The following PRH1 variants were observed in gnomAD, a reference collection of about 807,000 sequenced individuals.
PRH1 encodes the protein salivary acidic proline-rich phosphoprotein 1/2.
Under a neutral mutation model 7.9 loss-of-function variants are expected in PRH1, and 7 were observed. The observed-to-expected ratio is 0.89, with a 90% CI of 0.50 to 1.67. The LOEUF (loss-of-function observed/expected upper bound fraction) is 1.67, where lower values mean the gene tolerates loss of function less well. Ranked by LOEUF, PRH1 falls within the 40% of genes most tolerant of loss-of-function variation. The pLI, the probability that PRH1 is intolerant of heterozygous loss-of-function variation, is 0.00. For missense variants in PRH1, 109 were observed against 223.6 expected (o/e 0.49, Z 3.27); for synonymous variants, 45 against 80.8 (o/e 0.56, Z 2.38).
At chr12:11,056,083 A>AAT (rs1234517022) in intron 1 of PRH1, among the ~76,000 whole-genome samples, 3,122 of 73,712 alleles carry the variant, frequency 0.042, no homozygotes, top group East Asian at 0.069. Flanking sequence ...AAATGAAAAA[A>AAT]TAATTTTCTT....
intron 1 of PRH1, chr12:11,091,808 G>C (rs756327766): frequency 6.6e-7 from 1 of 1,506,328 alleles, no homozygotes. Flanking sequence ...AAGATGACAA[G>C]CCAAAAATAG....
chr12:11,092,035 G>A (rs200893955), intron 1 of PRH1: 434,028 of 924,050 alleles, frequency 0.47, 127,324 homozygotes, highest in Non-Finnish European at 0.5. Flanking sequence ...TTGAATACCA[G>A]TTTAATAATA....
intron 1 of PRH1, among the ~76,000 whole-genome samples, chr12:11,107,895 T>C (rs1945472043): frequency 6.6e-6 from 1 of 152,176 alleles, no homozygotes; most frequent in Non-Finnish European, 1.5e-5. Flanking sequence ...AAGAAAGGAT[T>C]CTGAAAGCAG....
chr12:11,163,808 T>C (rs1947487680), intron 1 of PRH1, among the ~76,000 whole-genome samples: 1 of 152,160 alleles, frequency 6.6e-6, no homozygotes, highest in Non-Finnish European at 1.5e-5. Flanking sequence ...TACTCTACCA[T>C]ATACCATCCC....
In PRH1 at chr12:11,092,775, G is replaced by T. The variant is rs76415639; in HGVS notation, n.124-45587C>A. 1.4e-4 allele frequency among the ~76,000 whole-genome samples: 16 copies of T among 115,070 alleles called. 4 individuals are homozygous for T. The highest frequency in any genetic ancestry group is 3.3e-4 in the Non-Finnish European group (16 of 48,634). 75.5% of individuals were successfully genotyped at this position (115,070 alleles called of 152,430 possible). On this transcript the variant is annotated intron_variant and non_coding_transcript_variant, in intron 1 of 4. Transcript: ENST00000541977. ...TCATCTCTCAATCTAATAAAACTGG[G>T]TGTGATTGCTTGAATATCCTGACCT...
chr12:10,929,377 G>T (rs768330363), intron 2 of PRH1: 2 of 1,612,872 alleles, frequency 1.2e-6, no homozygotes, highest in African/African-American at 2.7e-5. Flanking sequence ...CTCTGATTGG[G>T]GTTTACGGGC....
intron 1 of PRH1, among the ~76,000 whole-genome samples, chr12:11,109,880 G>C (rs375428161): frequency 7.9e-5 from 12 of 152,166 alleles, no homozygotes; most frequent in African/African-American, 2.9e-4. Context: ...CTGAGATAAA[G>C]AAGCATGGTC....
chr12:10,927,120 C>T (rs1297998102), intron 2 of PRH1, among the ~76,000 whole-genome samples: 1 of 152,164 alleles, frequency 6.6e-6, no homozygotes, highest in African/African-American at 2.4e-5. Flanking sequence ...TGGAGAAGGT[C>T]ATGGAAGGGA....
At chr12:11,128,120 A>AAAAAAAAG (rs893710821) in intron 1 of PRH1, among the ~76,000 whole-genome samples, 7 of 151,100 alleles carry the variant, frequency 4.6e-5, no homozygotes, top group African/African-American at 1.5e-4. Context: ...CAAAAAAAAA[A>AAAAAAAAG]AAAAGAAAAA....
chr12:10,885,751 C>G (rs1482496243), upstream of PRH1, among the ~76,000 whole-genome samples: 1 of 152,166 alleles, frequency 6.6e-6, no homozygotes, highest in African/African-American at 2.4e-5. Context: ...TGTAATTTTT[C>G]ACTTTTTGTG....
chr12:10,883,619 G>C (rs1303979633), intron 1 of PRH1, among the ~76,000 whole-genome samples: 2 of 152,124 alleles, frequency 1.3e-5, no homozygotes, highest in African/African-American at 4.8e-5. Context: ...ATAATCTTAC[G>C]CATGCCATTC....
intron 2 of PRH1, chr12:10,931,270 C>G (rs1950208952): frequency 8.0e-7 from 1 of 1,244,106 alleles, no homozygotes; most frequent in Non-Finnish European, 1.1e-6. Context: ...GAAGGCAATT[C>G]CAATTTTGAG....
intron 2 of PRH1, chr12:10,896,969 A>G (rs146832887): frequency 6.6e-6 from 1 of 152,264 alleles, no homozygotes; most frequent in Non-Finnish European, 1.5e-5. Flanking sequence ...TCACTGCAAT[A>G]TTTACTCTTG....
intron 2 of PRH1, chr12:10,909,106 T>C (rs747240395): frequency 6.2e-7 from 1 of 1,613,666 alleles, no homozygotes; most frequent in South Asian, 1.1e-5. Flanking sequence ...AAAAACCAAC[T>C]TACTAATATT....
chr12:10,952,346 C>T (rs150067964), intron 2 of PRH1, among the ~76,000 whole-genome samples: 526 of 152,266 alleles, frequency 3.5e-3, no homozygotes, highest in Non-Finnish European at 5.6e-3. Flanking sequence ...CAGCACAAGG[C>T]GAGTCTTTAC....
chr12:10,958,751 T>G (rs1195879991), intron 2 of PRH1, among the ~76,000 whole-genome samples: 2 of 152,056 alleles, frequency 1.3e-5, no homozygotes, highest in Admixed American at 6.6e-5. Context: ...ATTCAAGAAG[T>G]GACACAAAGG....
intron 1 of PRH1, chr12:11,031,520 G>A (rs1942217394): frequency 6.6e-6 from 4 of 605,884 alleles, no homozygotes; most frequent in Middle Eastern, 9.0e-4. Context: ...TGAGAAGAGA[G>A]AAAGGACAAA....
intron 1 of PRH1, among the ~76,000 whole-genome samples, chr12:11,073,201 G>A (rs1340084019): frequency 1.7e-5 from 2 of 119,806 alleles, no homozygotes; most frequent in African/African-American, 5.7e-5. Flanking sequence ...GTGCCATCTC[G>A]GCTCACTGCA....
chr12:10,995,722 A>G (rs993293389), intron 1 of PRH1, among the ~76,000 whole-genome samples: 4 of 152,246 alleles, frequency 2.6e-5, no homozygotes. Context: ...GCTTAGACAA[A>G]AAACTGAAAT....
Sources: allele counts gnomAD v4.1 joint callset (sites outside exome capture counted in the v4.1 genomes callset), GRCh38; gene constraint gnomAD v4.1.1; transcripts MANE v1.5; gene names NCBI Gene and HGNC (gene_info 2026-07-23, HGNC 2026-07-21).